The following BAALC variants were observed in gnomAD, a reference collection of about 807,000 sequenced individuals.
BAALC encodes the protein BAALC binder of MAP3K1 and KLF4.
Under a neutral mutation model 15.5 loss-of-function variants are expected in BAALC, and 9 were observed. The observed-to-expected ratio is 0.58, with a 90% CI of 0.35 to 1.02. BAALC has a LOEUF of 1.02. BAALC is among the 50% of genes least tolerant of loss of function. The pLI is 0.02. For missense variants in BAALC, 201 were observed against 192.4 expected (o/e 1.04, Z -0.27); for synonymous variants, 80 against 74.6 (o/e 1.07, Z -0.37).
intron 1 of BAALC, among the ~76,000 whole-genome samples, chr8:103,164,632 C>T (rs776949453): frequency 2.1e-4 from 32 of 152,172 alleles, no homozygotes; most frequent in Non-Finnish European, 3.5e-4. Flanking sequence ...ACTATTGAGT[C>T]CTCACTAGGC....
At chr8:103,212,838 T>G (rs1389095446) in intron 1 of BAALC, 81 bp from the exon 2 acceptor site, 1 of 1,448,448 alleles carries the variant, frequency 6.9e-7, no homozygotes, top group African/African-American at 1.4e-5. Flanking sequence ...TTTGACTATC[T>G]GTTTCTCCAC....
At chr8:103,223,303 T>TCAAAA (rs1185301706) in intron 2 of BAALC, among the ~76,000 whole-genome samples, 1 of 149,530 alleles carries the variant, frequency 6.7e-6, no homozygotes, top group African/African-American at 2.4e-5. Context: ...AGAGACTGTC[T>TCAAAA]CAAAACAAAA....
At chr8:103,226,086 T>C (rs1207839509) in intron 2 of BAALC, among the ~76,000 whole-genome samples, 1 of 152,216 alleles carries the variant, frequency 6.6e-6, no homozygotes, top group Non-Finnish European at 1.5e-5. Flanking sequence ...GAGGTGCTCA[T>C]GCCTGGAGGG....
chr8:103,181,009 T>C (rs1023457592), intron 1 of BAALC, among the ~76,000 whole-genome samples: 3 of 152,192 alleles, frequency 2.0e-5, no homozygotes, highest in Non-Finnish European at 4.4e-5. Context: ...TTCCTTTCTC[T>C]GGGATATAAG....
At chr8:103,210,557 T>C (rs1476880482) in intron 1 of BAALC, among the ~76,000 whole-genome samples, 1 of 152,256 alleles carries the variant, frequency 6.6e-6, no homozygotes, top group Non-Finnish European at 1.5e-5. Context: ...GGCAAATAAT[T>C]TCTCAACACC....
intron 1 of BAALC, among the ~76,000 whole-genome samples, chr8:103,180,229 A>G (rs1016945372): frequency 1.3e-5 from 2 of 152,230 alleles, no homozygotes; most frequent in Non-Finnish European, 2.9e-5. Flanking sequence ...AGTTCCAGGA[A>G]GAAGAGAACA....
rs968711322 is a variant in BAALC, at chr8:103,229,741, A to G, written c.*1642A>G. 2.0e-5 allele frequency: 3 copies of G among 152,244 alleles called. No individual in the cohort carries two copies. 9.4% of individuals were successfully genotyped at this position (152,244 alleles called of 1,614,324 possible). On this transcript the variant is annotated 3_prime_UTR_variant, in exon 3 of 3. Coordinates refer to ENST00000309982, the MANE Select transcript of BAALC (RefSeq NM_024812.3). ...TTAAACTAGGTGTTCTAATCAATGT[A>G]CAAGACTTTACCATACACGCAACTA...
At chr8:103,179,034 T>A (rs1047577123) in intron 1 of BAALC, among the ~76,000 whole-genome samples, 8 of 152,038 alleles carry the variant, frequency 5.3e-5, no homozygotes, top group East Asian at 1.9e-4. Flanking sequence ...AACAAAAAAA[T>A]TCCACAAAAC....
chr8:103,195,331 G>A (rs72673324), intron 1 of BAALC, among the ~76,000 whole-genome samples: 10,332 of 152,268 alleles, frequency 0.068, 389 homozygotes, highest in Middle Eastern at 0.2. Context: ...ACCAAGCTGA[G>A]GTTGGAGAAC....
At chr8:103,180,198 T>C (rs1226200526) in intron 1 of BAALC, among the ~76,000 whole-genome samples, 1 of 152,124 alleles carries the variant, frequency 6.6e-6, no homozygotes, top group Admixed American at 6.5e-5. Flanking sequence ...AATTCTGAGA[T>C]GGAGAAATTA....
At chr8:103,165,276 A>C (rs1475438819) in intron 1 of BAALC, among the ~76,000 whole-genome samples, 1 of 152,152 alleles carries the variant, frequency 6.6e-6, no homozygotes, top group African/African-American at 2.4e-5. Flanking sequence ...TCTACAGGAG[A>C]GCCATTGGCA....
chr8:103,155,447 G>T (rs979088635), intron 1 of BAALC, among the ~76,000 whole-genome samples: 3 of 152,200 alleles, frequency 2.0e-5, no homozygotes, highest in African/African-American at 7.2e-5. Flanking sequence ...GAGCTCTGGA[G>T]CTGGGATGGC....
At chr8:103,214,255 C>A (rs1812511444) in intron 2 of BAALC, among the ~76,000 whole-genome samples, 1 of 152,208 alleles carries the variant, frequency 6.6e-6, no homozygotes, top group South Asian at 2.1e-4. Flanking sequence ...CTGGCTTTAA[C>A]TGGACAAGAG....
intron 1 of BAALC, among the ~76,000 whole-genome samples, chr8:103,200,232 C>A (rs951692303): frequency 6.6e-6 from 1 of 152,110 alleles, no homozygotes; most frequent in African/African-American, 2.4e-5. Context: ...AGAAAAAGGA[C>A]ACTTATATAC....
At chr8:103,150,926 G>T (rs145256420) in intron 1 of BAALC, among the ~76,000 whole-genome samples, 1 of 152,014 alleles carries the variant, frequency 6.6e-6, no homozygotes, top group African/African-American at 2.4e-5. Context: ...TCATGACCTC[G>T]GGTCCCTGGG....
chr8:103,209,364 TC>T (rs1812399252), intron 1 of BAALC, among the ~76,000 whole-genome samples: 2 of 151,736 alleles, frequency 1.3e-5, no homozygotes, highest in Non-Finnish European at 2.9e-5. Flanking sequence ...AGAGCGAGAC[TC>T]CATCTGAAAA....
intron 1 of BAALC, among the ~76,000 whole-genome samples, chr8:103,197,131 A>G (rs149225377): frequency 2.0e-5 from 3 of 152,354 alleles, no homozygotes; most frequent in African/African-American, 7.2e-5. Context: ...TGATGACACC[A>G]TACACCCACT....
At chr8:103,153,622 G>A (rs1036008683) in intron 1 of BAALC, among the ~76,000 whole-genome samples, 1 of 152,214 alleles carries the variant, frequency 6.6e-6, no homozygotes, top group African/African-American at 2.4e-5. Flanking sequence ...GCCAGCCAGA[G>A]ACTGATGTGC....
chr8:103,218,120 G>C (rs536986066), intron 2 of BAALC, among the ~76,000 whole-genome samples: 1 of 152,182 alleles, frequency 6.6e-6, no homozygotes, highest in African/African-American at 2.4e-5. Context: ...TTATGGCTGT[G>C]AGCAACAGCA....
Sources: allele counts gnomAD v4.1 joint callset (sites outside exome capture counted in the v4.1 genomes callset), GRCh38; gene constraint gnomAD v4.1.1; transcripts MANE v1.5; gene names NCBI Gene and HGNC (gene_info 2026-07-23, HGNC 2026-07-21).